Variants in EYS observed in about 807,000 individuals in gnomAD.
EYS encodes the protein EGF-like photoreceptor maintenance factor, also known as protein eyes shut homolog.
In EYS, 250 loss-of-function variants were observed where a neutral mutation model predicts 282.1. The observed-to-expected ratio is 0.89, with a 90% confidence interval of 0.80 to 0.98. EYS has a LOEUF of 0.98. Among genes scored for constraint, EYS ranks in the 50% least tolerant of loss-of-function variants. The probability of loss-of-function intolerance (pLI) is 0.00; values close to 1 mark genes in which losing one functional copy is unlikely to be tolerated. For missense variants in EYS, 4,016 were observed against 3,709.0 expected, an observed-to-expected ratio of 1.08 and a Z score of -2.15; for synonymous variants, 1,355 against 1,282.9, an observed-to-expected ratio of 1.06 and a Z score of -1.20.
At chr6:63,729,554 C>T (rs1176240599) in intron 41 of EYS, among the ~76,000 whole-genome samples, 1 of 151,088 alleles carries the variant, frequency 6.6e-6, no homozygotes, top group Non-Finnish European at 1.5e-5. Context: ...TGTGGATGTC[C>T]ATTTCTTCTA....
intron 1 of EYS, among the ~76,000 whole-genome samples, chr6:65,662,868 A>C (rs1768055201): frequency 6.6e-6 from 1 of 152,174 alleles, no homozygotes. Context: ...ATTTAGATAA[A>C]CTTAACAAAA....
intron 2 of EYS, among the ~76,000 whole-genome samples, chr6:65,601,587 C>T (rs991744394): frequency 6.6e-6 from 1 of 151,880 alleles, no homozygotes; most frequent in Non-Finnish European, 1.5e-5. Flanking sequence ...ACAATATTAA[C>T]CTTTTCCACT....
chr6:64,595,851 T>C (rs1370014117), intron 24 of EYS, among the ~76,000 whole-genome samples: 1 of 152,152 alleles, frequency 6.6e-6, no homozygotes, highest in African/African-American at 2.4e-5. Context: ...TTTCAATGAC[T>C]GTATTAAACC....
intron 11 of EYS, chr6:65,300,881 C>T (rs1307970104): frequency 2.6e-5 from 4 of 152,110 alleles, no homozygotes; most frequent in African/African-American, 4.8e-5. Context: ...CTTAATTTCT[C>T]CTCTGTAGTA....
rs184769042 is a variant in EYS at position 64,104,365 on chromosome 6, A to T, written c.6425-22363T>A. Among the ~76,000 whole-genome samples the T allele has an allele frequency of 2.7e-3, 407 of 151,834 alleles. 1 individual carries two copies. Among genetic ancestry groups the T allele is most frequent in the African/African-American group, 9.1e-3 (377 of 41,462 alleles). ...GGTAGTAGGAAGGAGAGAGAGAGTG[A>T]GTGTGTGTGTGTGTTTGCTTATGTG... On this transcript the variant is annotated intron_variant, in intron 31 of 42. Coordinates refer to ENST00000503581, the MANE Select transcript of EYS (RefSeq NM_001142800.2).
At chr6:65,345,799 T>C (rs1032472457) in intron 9 of EYS, among the ~76,000 whole-genome samples, 30 of 135,346 alleles carry the variant, frequency 2.2e-4, no homozygotes, top group Admixed American at 7.3e-4. Context: ...CAAAAAAGAG[T>C]GAGAAGATGA....
At position 64,657,814 on chromosome 6, in the gene EYS, AATCTGACAATTATGTGT is replaced by A. The variant is rs542359902; in HGVS notation, c.3444-31586_3444-31570del. Among the ~76,000 whole-genome samples, 598 of 152,242 alleles carry A rather than the reference AATCTGACAATTATGTGT, an allele frequency of 3.9e-3. 8 individuals carry two copies. Among genetic ancestry groups the A allele is most frequent in the Admixed American group, 0.034 (520 of 15,294 alleles). ...TATTTCCTTCATTTCAACTTTGGTG[AATCTGACAATTATGTGT>A]CTTGGAGTTGCTCTTCTCGAGGAGT... On this transcript the variant is annotated intron_variant, in intron 22 of 42. Coordinates refer to ENST00000503581, the MANE Select transcript of EYS (RefSeq NM_001142800.2).
At chr6:65,327,203 T>G (rs1440773935) in intron 11 of EYS, among the ~76,000 whole-genome samples, 1 of 151,660 alleles carries the variant, frequency 6.6e-6, no homozygotes, top group Non-Finnish European at 1.5e-5. Flanking sequence ...AGTCTGTAGT[T>G]CCAGCCTTGT....
intron 22 of EYS, among the ~76,000 whole-genome samples, chr6:64,732,011 G>A (rs1771986194): frequency 6.6e-6 from 1 of 152,100 alleles, no homozygotes; most frequent in South Asian, 2.1e-4. Context: ...GTCCTTTGTA[G>A]TGACATGGAT....
intron 2 of EYS, among the ~76,000 whole-genome samples, chr6:65,557,137 T>C (rs1768844774): frequency 6.6e-6 from 1 of 152,122 alleles, no homozygotes; most frequent in African/African-American, 2.4e-5. Flanking sequence ...CCTTCGGGTG[T>C]CACTTCACCA....
chr6:64,282,497 C>T (rs910696770), intron 30 of EYS, among the ~76,000 whole-genome samples: 4 of 152,146 alleles, frequency 2.6e-5, no homozygotes, highest in African/African-American at 9.6e-5. Context: ...AACTTAGAAT[C>T]AATCTCTGGA....
Position 64,510,747 on chromosome 6 carries a change from T to C in EYS, c.5645-71395A>G, listed in dbSNP as rs558487890. On this transcript the variant is annotated intron_variant, in intron 26 of 42. Transcript: ENST00000503581. ...GGTGGAAAATTAATCAGATTTTCAATTTTTCCTTAGTCATGTAGTTAGAGA... is the reference window on the plus strand; with the variant it reads ...GGTGGAAAATTAATCAGATTTTCAACTTTTCCTTAGTCATGTAGTTAGAGA... Among the ~76,000 whole-genome samples, 6 of 152,294 alleles carry C rather than the reference T, an allele frequency of 3.9e-5. No individual in the cohort carries two copies. The East Asian group carries it at 1.2e-3, about 29-fold the overall frequency.
intron 35 of EYS, among the ~76,000 whole-genome samples, chr6:63,962,910 C>A (rs896160131): frequency 2.4e-4 from 37 of 152,186 alleles, no homozygotes; most frequent in African/African-American, 7.5e-4. Context: ...ACATATACAC[C>A]ATGGAATACT....
chr6:65,369,266 T>TATATATATATTTATATATATA (rs1491352821), intron 8 of EYS, among the ~76,000 whole-genome samples: 19 of 141,140 alleles, frequency 1.3e-4, no homozygotes, highest in South Asian at 4.4e-4. Flanking sequence ...TGTGTGTGTG[T>TATATATATATTTATATATATA]ATATATATAT....
chr6:64,248,772 C>T (rs34932369), intron 30 of EYS, among the ~76,000 whole-genome samples: 41,258 of 151,864 alleles, frequency 0.27, 5,828 homozygotes, highest in East Asian at 0.43. Context: ...TCAAAAAGAT[C>T]GGCCGGGTGC....
Position 63,934,576 on chromosome 6 carries a change from G to A in EYS, c.7055+49807C>T, listed in dbSNP as rs559807861. Among the ~76,000 whole-genome samples, 201 of 152,154 alleles carry A rather than the reference G, an allele frequency of 1.3e-3. 1 individual carries two copies. Among genetic ancestry groups the A allele is most frequent in the African/African-American group, 4.6e-3 (192 of 41,512 alleles). Reference sequence around the variant, plus strand: ...ATGGAATACTATGCAGCCATAAAAAGTGATGAGTTCATGTCCTTTGTAGGG... The same window carrying A: ...ATGGAATACTATGCAGCCATAAAAAATGATGAGTTCATGTCCTTTGTAGGG... On this transcript the variant is annotated intron_variant, in intron 35 of 42. Coordinates refer to ENST00000503581, the MANE Select transcript of EYS (RefSeq NM_001142800.2).
chr6:64,205,248 A>T (rs1350214685), intron 31 of EYS, among the ~76,000 whole-genome samples: 1 of 152,188 alleles, frequency 6.6e-6, no homozygotes, highest in Admixed American at 6.5e-5. Context: ...TATTCAATTT[A>T]GTTTGTCTAC....
intron 26 of EYS, among the ~76,000 whole-genome samples, chr6:64,577,013 T>C (rs966325428): frequency 6.6e-6 from 1 of 152,074 alleles, no homozygotes; most frequent in East Asian, 1.9e-4. Context: ...GGAGAATACA[T>C]GTAACGGGAG....
chr6:63,938,891 G>A (rs1243097737), intron 35 of EYS, among the ~76,000 whole-genome samples: 1 of 152,086 alleles, frequency 6.6e-6, no homozygotes, highest in Non-Finnish European at 1.5e-5. Context: ...TTTTATCATG[G>A]GTCAGGAGCA....
Sources: gnomAD v4.1 joint callset for allele counts (sites outside exome capture counted in the v4.1 genomes callset) on GRCh38, gnomAD v4.1.1 for gene constraint, MANE v1.5 for transcripts, NCBI Gene and HGNC (gene_info 2026-07-23, HGNC 2026-07-21) for gene names.